Variants in DPP10 observed in about 807,000 individuals in gnomAD.
The protein encoded by DPP10 is inactive dipeptidyl peptidase 10.
A neutral mutation model predicts 120.9 loss-of-function variants in DPP10; 33 were observed. The ratio of observed to expected loss-of-function variants is 0.27; its 90% CI spans 0.21 to 0.37. DPP10 has a LOEUF of 0.37. DPP10 is among the 10% of genes least tolerant of loss of function. The probability of loss-of-function intolerance (pLI) is 1.00; values close to 1 mark genes in which losing one functional copy is unlikely to be tolerated. For missense variants in DPP10, 816 were observed against 942.8 expected, an observed-to-expected ratio of 0.87 and a Z score of 1.76; for synonymous variants, 337 against 326.1, an observed-to-expected ratio of 1.03 and a Z score of -0.36.
intron 1 of DPP10, among the ~76,000 whole-genome samples, chr2:115,296,900 T>C (rs1302289336): frequency 2.0e-5 from 3 of 152,052 alleles, no homozygotes; most frequent in Non-Finnish European, 2.9e-5. Flanking sequence ...GTGCATGTTC[T>C]TTAAGAGTTT....
At chr2:115,656,718 G>T (rs909038025) in intron 5 of DPP10, among the ~76,000 whole-genome samples, 11 of 151,670 alleles carry the variant, frequency 7.3e-5, no homozygotes, top group African/African-American at 2.4e-4. Context: ...ACCAGCGGGA[G>T]AAAGTCACCA....
At chr2:115,133,474 A>G (rs1358727705) in intron 1 of DPP10, among the ~76,000 whole-genome samples, 11 of 152,066 alleles carry the variant, frequency 7.2e-5, no homozygotes, top group Non-Finnish European at 1.6e-4. Flanking sequence ...TAACAACTCT[A>G]TTGATAAGGA....
chr2:115,452,057 T>C (rs933188947), intron 3 of DPP10, among the ~76,000 whole-genome samples: 5 of 151,952 alleles, frequency 3.3e-5, no homozygotes, highest in African/African-American at 1.2e-4. Context: ...TATCTTAAGG[T>C]CACATAGTAT....
chr2:114,836,357 T>C (rs35265179), intron 1 of DPP10, among the ~76,000 whole-genome samples: 40,292 of 151,872 alleles, frequency 0.27, 6,180 homozygotes, highest in East Asian at 0.53. Flanking sequence ...GTTTGGGAAA[T>C]AAAGGGACAG....
intron 1 of DPP10, among the ~76,000 whole-genome samples, chr2:115,069,743 G>A (rs13417669): frequency 5.9e-4 from 89 of 151,588 alleles, no homozygotes; most frequent in African/African-American, 2.0e-3. Flanking sequence ...GCGTGCTGAT[G>A]AATTTAGGCA....
intron 5 of DPP10, among the ~76,000 whole-genome samples, chr2:115,622,343 T>C (rs564696973): frequency 1.3e-5 from 2 of 152,328 alleles, no homozygotes; most frequent in East Asian, 3.9e-4. Context: ...ATAGGTGTTG[T>C]AGCATCTATC....
At chr2:114,782,982 G>T (rs1211132716) in intron 1 of DPP10, among the ~76,000 whole-genome samples, 1 of 151,986 alleles carries the variant, frequency 6.6e-6, no homozygotes, top group Non-Finnish European at 1.5e-5. Flanking sequence ...AAATGAGAAA[G>T]AATTGATAGA....
intron 3 of DPP10, among the ~76,000 whole-genome samples, chr2:115,431,120 A>G (rs1339044892): frequency 6.6e-6 from 1 of 152,208 alleles, no homozygotes; most frequent in Admixed American, 6.6e-5. Context: ...GTGATTCTTC[A>G]TGAACTAATA....
intron 1 of DPP10, among the ~76,000 whole-genome samples, chr2:114,915,094 G>C (rs1574477959): frequency 1.3e-5 from 2 of 151,458 alleles, no homozygotes; most frequent in East Asian, 3.9e-4. Context: ...TCCCGCCACT[G>C]CACCCCAGCC....
intron 1 of DPP10, among the ~76,000 whole-genome samples, chr2:114,504,410 T>G (rs1184722561): frequency 6.6e-6 from 1 of 152,198 alleles, no homozygotes; most frequent in African/African-American, 2.4e-5. Flanking sequence ...CCACTTGATC[T>G]CATGTTAACT....
At chr2:115,578,430 T>A (rs2081814885) in intron 5 of DPP10, among the ~76,000 whole-genome samples, 1 of 151,782 alleles carries the variant, frequency 6.6e-6, no homozygotes, top group Admixed American at 6.6e-5. Context: ...CTAATTGATA[T>A]TTTCCAGAAA....
chr2:115,149,470 G>C (rs2051412736), intron 1 of DPP10, among the ~76,000 whole-genome samples: 1 of 152,128 alleles, frequency 6.6e-6, no homozygotes, highest in Admixed American at 6.5e-5. Flanking sequence ...AAATTTATCT[G>C]ATGGATCCCA....
chr2:114,879,028 G>C (rs1180157240), intron 1 of DPP10, among the ~76,000 whole-genome samples: 2 of 152,012 alleles, frequency 1.3e-5, no homozygotes, highest in Non-Finnish European at 2.9e-5. Context: ...TTTTCTAGGA[G>C]TTAGTGACAG....
intron 3 of DPP10, among the ~76,000 whole-genome samples, chr2:115,490,840 T>G (rs1157565029): frequency 6.6e-6 from 1 of 152,336 alleles, no homozygotes; most frequent in East Asian, 1.9e-4. Flanking sequence ...GCGAGAGGGC[T>G]GTGCGTGGTG....
chr2:114,515,720 T>C (rs562209231), intron 1 of DPP10, among the ~76,000 whole-genome samples: 2 of 152,330 alleles, frequency 1.3e-5, no homozygotes, highest in East Asian at 1.9e-4. Flanking sequence ...TTCTTCTTCC[T>C]CTCCCTTTTC....
chr2:115,543,217 G>T (rs1249778448), intron 5 of DPP10, among the ~76,000 whole-genome samples: 1 of 151,978 alleles, frequency 6.6e-6, no homozygotes, highest in East Asian at 1.9e-4. Flanking sequence ...ACACTAAATA[G>T]ACCTGCCAGA....
intron 19 of DPP10, among the ~76,000 whole-genome samples, chr2:115,801,426 T>C (rs2149972281): frequency 6.6e-6 from 1 of 152,302 alleles, no homozygotes; most frequent in Admixed American, 6.5e-5. Flanking sequence ...ATACCCTTTA[T>C]TCCTTTGTCG....
chr2:114,771,932 T>C (rs540098684), intron 1 of DPP10, among the ~76,000 whole-genome samples: 1 of 152,228 alleles, frequency 6.6e-6, no homozygotes, highest in East Asian at 1.9e-4. Context: ...CTCAGGCCAG[T>C]ATGGTACGGT....
At chr2:115,587,137 G>A (rs1467476221) in intron 5 of DPP10, among the ~76,000 whole-genome samples, 1 of 121,118 alleles carries the variant, frequency 8.3e-6, no homozygotes, top group East Asian at 2.6e-4. Flanking sequence ...TCACTAAGTC[G>A]CTCAGGCTGG....
Sources: gnomAD v4.1 joint callset for allele counts (sites outside exome capture counted in the v4.1 genomes callset) on GRCh38, gnomAD v4.1.1 for gene constraint, MANE v1.5 for transcripts, NCBI Gene and HGNC (gene_info 2026-07-23, HGNC 2026-07-21) for gene names.